The following DLGAP1 variants were observed in gnomAD, a reference collection of about 807,000 sequenced individuals.
The protein encoded by DLGAP1 is DLG associated protein 1.
A neutral mutation model predicts 90.8 loss-of-function variants in DLGAP1; 11 were observed. That is an observed-to-expected ratio of 0.12 (90% CI 0.08 to 0.20). The LOEUF (loss-of-function observed/expected upper bound fraction) is 0.20. Ranked by LOEUF, DLGAP1 falls within the 10% of genes least tolerant of loss-of-function variation. The pLI, the probability that DLGAP1 is intolerant of heterozygous loss-of-function variation, is 1.00. For synonymous variants in DLGAP1, 558 were observed against 540.7 expected, an observed-to-expected ratio of 1.03 and a Z score of -0.44; for missense variants, 1,050 against 1,333.8, an observed-to-expected ratio of 0.79 and a Z score of 3.31.
At chr18:4,052,123 CT>C (rs2075142860) in intron 2 of DLGAP1, among the ~76,000 whole-genome samples, 1 of 152,184 alleles carries the variant, frequency 6.6e-6, no homozygotes, top group Admixed American at 6.5e-5. Flanking sequence ...ACAATTCAAG[CT>C]GTTGGTGGAT....
At position 3,861,897 on chromosome 18, in the gene DLGAP1, C is replaced by G. The variant is rs906058005; in HGVS notation, c.957+17215G>C. ...TTTGTTGGGCTGAAGTGATCTCTCT[C>G]TTTCCAGGCCTCAAAGATGGCGAAA... is the stretch of plus-strand genomic sequence containing the variant. On this transcript the variant is annotated intron_variant, in intron 4 of 12. Transcript: ENST00000315677. 5.9e-5 allele frequency among the ~76,000 whole-genome samples: 9 copies of G among 152,240 alleles called. 1 individual carries two copies. Among genetic ancestry groups the G allele is most frequent in the African/African-American group, 2.2e-4 (9 of 41,468 alleles).
At chr18:4,398,597 C>T (rs752032343) in intron 1 of DLGAP1, among the ~76,000 whole-genome samples, 1 of 152,042 alleles carries the variant, frequency 6.6e-6, no homozygotes, top group Non-Finnish European at 1.5e-5. Context: ...GGGGGATGGA[C>T]GTTGAAGGCA....
At chr18:3,821,660 G>A (rs1363372097) in intron 4 of DLGAP1, among the ~76,000 whole-genome samples, 1 of 152,192 alleles carries the variant, frequency 6.6e-6, no homozygotes, top group Non-Finnish European at 1.5e-5. Context: ...TGCAGCTGCT[G>A]TTTAAACAAG....
intron 9 of DLGAP1, among the ~76,000 whole-genome samples, chr18:3,547,289 G>A (rs1359039183): frequency 1.3e-4 from 16 of 124,010 alleles, no homozygotes; most frequent in Admixed American, 1.1e-3. Context: ...GCAATAGAGC[G>A]AGACTCCGTC....
At chr18:4,262,073 T>G (rs2079014544) in intron 1 of DLGAP1, among the ~76,000 whole-genome samples, 4 of 152,188 alleles carry the variant, frequency 2.6e-5, no homozygotes, top group Admixed American at 1.3e-4. Context: ...AATCCTAACA[T>G]TCTATAGTCT....
intron 9 of DLGAP1, among the ~76,000 whole-genome samples, chr18:3,555,609 G>A (rs1381810245): frequency 6.6e-6 from 1 of 152,048 alleles, no homozygotes; most frequent in African/African-American, 2.4e-5. Flanking sequence ...TCAGGAGTTC[G>A]AGACCAGCCT....
chr18:4,141,647 A>C (rs1226882332), intron 2 of DLGAP1, among the ~76,000 whole-genome samples: 1 of 151,934 alleles, frequency 6.6e-6, no homozygotes, highest in Non-Finnish European at 1.5e-5. Context: ...TTTAAACATC[A>C]CCTGCATTCA....
At chr18:4,240,554 A>G (rs2078512619) in intron 1 of DLGAP1, among the ~76,000 whole-genome samples, 1 of 152,168 alleles carries the variant, frequency 6.6e-6, no homozygotes. Flanking sequence ...CCAGAATGAA[A>G]ATGTCAAAAA....
In DLGAP1 at chr18:3,639,883, C is replaced by T. The variant is rs61618135; in HGVS notation, c.1592-57635G>A. ...CATTCTCCTGCCTCAGCCTTCGGAG[C>T]AGCTGGGACTACAGGCGCCCGCCAC... is the stretch of plus-strand genomic sequence containing the variant. On this transcript the variant is annotated intron_variant, in intron 7 of 12. Transcript: ENST00000315677. 4.8e-4 allele frequency among the ~76,000 whole-genome samples: 64 copies of T among 134,728 alleles called. 1 individual carries two copies. The highest frequency in any genetic ancestry group is 1.4e-3 in the Admixed American group (19 of 14,004). 88.4% of individuals were successfully genotyped at this position (134,728 alleles called of 152,430 possible). A position where few individuals can be genotyped will look rare whatever the true frequency, so the allele number is the denominator to read the frequency against.
intron 3 of DLGAP1, among the ~76,000 whole-genome samples, chr18:3,949,205 G>A (rs2072934349): frequency 6.6e-6 from 1 of 152,036 alleles, no homozygotes; most frequent in Admixed American, 6.5e-5. Flanking sequence ...CTTACCAAAG[G>A]GCTCACTGCA....
At chr18:3,848,844 CTTCTCCTTCCACTCCA>C (rs2069174548) in intron 4 of DLGAP1, among the ~76,000 whole-genome samples, 1 of 152,184 alleles carries the variant, frequency 6.6e-6, no homozygotes, top group Admixed American at 6.5e-5. Flanking sequence ...TTCCACTGTC[CTTCTCCTTCCACTCCA>C]TCCAAAAGGA....
At chr18:3,698,528 G>A (rs2061170834) in intron 7 of DLGAP1, among the ~76,000 whole-genome samples, 1 of 152,174 alleles carries the variant, frequency 6.6e-6, no homozygotes, top group South Asian at 2.1e-4. Context: ...CTGTCTTCTG[G>A]CTTGTAGGGT....
intron 3 of DLGAP1, among the ~76,000 whole-genome samples, chr18:3,996,380 CTCAAT>C (rs1830210810): frequency 6.6e-6 from 1 of 152,016 alleles, no homozygotes; most frequent in African/African-American, 2.4e-5. Context: ...CTGATTGATA[CTCAAT>C]TCAGTCACTG....
chr18:4,278,299 A>C (rs568778400), intron 1 of DLGAP1, among the ~76,000 whole-genome samples: 235 of 152,108 alleles, frequency 1.5e-3, no homozygotes, highest in African/African-American at 5.3e-3. Flanking sequence ...TATTTTACTT[A>C]TTTGTATAAT....
chr18:4,284,856 T>C (rs1269782829), intron 1 of DLGAP1, among the ~76,000 whole-genome samples: 3 of 152,286 alleles, frequency 2.0e-5, no homozygotes, highest in South Asian at 2.1e-4. Flanking sequence ...AGGAGAGTAA[T>C]AGTCCCATTG....
At chr18:3,673,894 G>A (rs765773668) in intron 7 of DLGAP1, among the ~76,000 whole-genome samples, 59 of 150,550 alleles carry the variant, frequency 3.9e-4, no homozygotes, top group Non-Finnish European at 6.9e-4. Flanking sequence ...CCAGGCTGGA[G>A]TGCAGTGGTG....
intron 1 of DLGAP1, among the ~76,000 whole-genome samples, chr18:4,177,573 A>T (rs2077131273): frequency 6.6e-6 from 1 of 152,160 alleles, no homozygotes. Flanking sequence ...CCTAGGTAAT[A>T]AGCATAGCAC....
chr18:3,614,762 T>C (rs1031438918), intron 7 of DLGAP1, among the ~76,000 whole-genome samples: 4 of 147,550 alleles, frequency 2.7e-5, no homozygotes, highest in African/African-American at 7.5e-5. Flanking sequence ...GGCGGGAGAA[T>C]TGCTTGATCC....
intron 7 of DLGAP1, among the ~76,000 whole-genome samples, chr18:3,583,143 G>GACCTACCTACCTACCTACCTACCTACCT (rs764967145): frequency 8.8e-6 from 1 of 113,610 alleles, no homozygotes; most frequent in African/African-American, 2.9e-5. Flanking sequence ...CTGACTGACC[G>GACCTACCTACCTACCTACCTACCTACCT]ACCTACCTAC....
Sources: allele counts gnomAD v4.1 joint callset (sites outside exome capture counted in the v4.1 genomes callset), GRCh38; gene constraint gnomAD v4.1.1; transcripts MANE v1.5; gene names NCBI Gene and HGNC (gene_info 2026-07-23, HGNC 2026-07-21).